The following USP34 variants were observed in gnomAD, a reference collection of about 807,000 sequenced individuals.
The protein encoded by USP34 is ubiquitin specific peptidase 34.
In USP34, 70 loss-of-function variants were observed where a neutral mutation model predicts 460.3. The observed-to-expected ratio is 0.15, with a 90% CI of 0.13 to 0.19. The LOEUF (loss-of-function observed/expected upper bound fraction) is 0.19. Ranked by LOEUF, USP34 falls within the 10% of genes least tolerant of loss-of-function variation. USP34 has a pLI of 1.00. For synonymous variants in USP34, 1,647 were observed against 1,405.3 expected, an observed-to-expected ratio of 1.17 and a Z score of -3.85; for missense variants, 3,985 against 4,236.2, an observed-to-expected ratio of 0.94 and a Z score of 1.65.
chr2:61,213,501 G>C (rs1030098309), intron 68 of USP34, among the ~76,000 whole-genome samples: 1 of 152,170 alleles, frequency 6.6e-6, no homozygotes, highest in Admixed American at 6.5e-5. Flanking sequence ...TTTACATCGA[G>C]GGGAGGAAAC....
intron 1 of USP34, among the ~76,000 whole-genome samples, chr2:61,467,901 G>T (rs189966841): frequency 6.6e-6 from 1 of 152,030 alleles, no homozygotes. Context: ...GAATACAGGC[G>T]TGAGCTGTAT....
At chr2:61,394,730 CAAAAT>C in intron 5 of USP34, 118 bp downstream of exon 5, 1 of 713,206 alleles carries the variant, frequency 1.4e-6, no homozygotes, top group Non-Finnish European at 2.0e-6. Context: ...CTCATTTTGT[CAAAAT>C]AAAAAAAAAT....
At position 61,278,290 on chromosome 2, in the gene USP34, A is replaced by C; in HGVS notation, c.5313-5T>G. On this transcript the variant is annotated splice_region_variant and splice_polypyrimidine_tract_variant and intron_variant, in intron 40 of 79. Transcript: ENST00000398571. ...TGATGATCAAGGATCTCCCTACTAC[A>C]AAAAAGAAAAAAAATACACACAAGC... 1 of 1,612,134 alleles carries C rather than the reference A, an allele frequency of 6.2e-7. No homozygotes were observed. The highest frequency in any genetic ancestry group is 8.5e-7 in the Non-Finnish European group (1 of 1,179,260).
rs146274305 is a variant in USP34 at position 61,236,517 on chromosome 2, T to C, written c.6778-128A>G. The C allele has an allele frequency of 6.4e-5, 43 of 676,918 alleles. No homozygotes were observed. In the African/African-American group the frequency reaches 7.1e-4, roughly 11 times the overall value. The allele number at this position is 676,918 out of a possible 1,614,324, so 41.9% of individuals were successfully genotyped here. ...AAAATAAAATCCATGCACTTTAAGT[T>C]CATTTTGATTTTTTCCCAAGTATAT... On this transcript the variant is annotated intron_variant, in intron 53 of 79. Coordinates refer to ENST00000398571, the MANE Select transcript of USP34 (RefSeq NM_014709.4).
intron 41 of USP34, among the ~76,000 whole-genome samples, chr2:61,274,210 C>T (rs1689304786): frequency 1.3e-5 from 2 of 151,572 alleles, no homozygotes; most frequent in East Asian, 2.0e-4. Flanking sequence ...GCCAAAATGG[C>T]GAAATCCGGT....
intron 75 of USP34, among the ~76,000 whole-genome samples, chr2:61,197,605 TTCTC>T (rs1220620136): frequency 1.3e-5 from 2 of 152,180 alleles, no homozygotes; most frequent in Non-Finnish European, 2.9e-5. Context: ...AATACTTACT[TTCTC>T]TCTTTTGAGA....
chr2:61,268,875 T>G (rs1427687022), intron 41 of USP34, among the ~76,000 whole-genome samples: 2 of 152,182 alleles, frequency 1.3e-5, no homozygotes, highest in Admixed American at 1.3e-4. Flanking sequence ...AATTTCATTT[T>G]TAAATGTTTC....
chr2:61,318,060 G>A (rs1285027611), intron 22 of USP34, among the ~76,000 whole-genome samples: 1 of 151,932 alleles, frequency 6.6e-6, no homozygotes, highest in Non-Finnish European at 1.5e-5. Context: ...GGGCATGGTG[G>A]TGTGTGGCTG....
intron 65 of USP34, 68 bp downstream of exon 65, chr2:61,222,551 G>T (rs1687617305): frequency 2.4e-6 from 3 of 1,274,606 alleles, no homozygotes; most frequent in Non-Finnish European, 3.4e-6. Flanking sequence ...GAACAATTAG[G>T]CTCATTTGAA....
chr2:61,417,128 G>T, intron 2 of USP34: 8 of 1,567,902 alleles, frequency 5.1e-6, no homozygotes, highest in South Asian at 1.1e-5. Flanking sequence ...GACATAACTT[G>T]GCCAATGTGA....
intron 10 of USP34, among the ~76,000 whole-genome samples, chr2:61,367,603 A>T (rs1019397569): frequency 6.6e-6 from 1 of 152,190 alleles, no homozygotes; most frequent in African/African-American, 2.4e-5. Flanking sequence ...AAAATATTTT[A>T]ATTTTATATA....
Position 61,445,302 on chromosome 2 carries a change from G to A in USP34, c.44-24469C>T, listed in dbSNP as rs374573246. Among the ~76,000 whole-genome samples the A allele has an allele frequency of 1.4e-4, 20 of 146,494 alleles. No individual in the cohort carries two copies. In the East Asian group the frequency reaches 2.5e-3, roughly 18 times the overall value. Reference sequence around the variant, plus strand: ...TGTAATCCCAGCACTTTGGGAGGCCGAGGCGGGCGGATCACAAGGTCAGGA... The same window carrying A: ...TGTAATCCCAGCACTTTGGGAGGCCAAGGCGGGCGGATCACAAGGTCAGGA... On this transcript the variant is annotated intron_variant, in intron 1 of 79. Transcript: ENST00000398571.
chr2:61,327,945 T>C (rs1691144374), intron 20 of USP34, among the ~76,000 whole-genome samples: 1 of 152,214 alleles, frequency 6.6e-6, no homozygotes, highest in African/African-American at 2.4e-5. Flanking sequence ...CTTTGTAGCC[T>C]CCACAGACAA....
In USP34 at chr2:61,190,272, C is replaced by A. The variant is rs956635041; in HGVS notation, c.9872G>T (p.Gly3291Val). Residue 3291 changes from glycine (G) to valine (V), a missense_variant and splice_region_variant, in exon 78 of 80, where the codon GGG becomes GTG. Gly to Val is a moderately radical substitution (Grantham distance 109). Transcript: ENST00000398571. ...EISKASASLN[G>V]DLRALALLLS... ...CCGCCGCCTCTGCATAGTTCTTACC[C>A]CATTTAAAGAAGCACTTGCTTTGGA... is the stretch of plus-strand genomic sequence containing the variant. 3 of 1,611,640 alleles carry A rather than the reference C, an allele frequency of 1.9e-6. No individual in the cohort carries two copies. Among genetic ancestry groups the A allele is most frequent in the Non-Finnish European group, 2.5e-6 (3 of 1,179,298 alleles).
chr2:61,298,212 C>T (rs952913735), intron 29 of USP34, among the ~76,000 whole-genome samples: 1 of 151,374 alleles, frequency 6.6e-6, no homozygotes, highest in Non-Finnish European at 1.5e-5. Flanking sequence ...ATCAACCTGC[C>T]AAAAATAAGA....
intron 2 of USP34, among the ~76,000 whole-genome samples, chr2:61,420,296 T>TA (rs2103971410): frequency 6.6e-6 from 1 of 152,326 alleles, no homozygotes; most frequent in South Asian, 2.1e-4. Context: ...CATGTTTTCC[T>TA]AAAATTTTAT....
chr2:61,311,274 C>T (rs1690583525), intron 27 of USP34, among the ~76,000 whole-genome samples: 1 of 152,114 alleles, frequency 6.6e-6, no homozygotes, highest in African/African-American at 2.4e-5. Context: ...TGTGAGGAGG[C>T]AGCATTCAAG....
intron 10 of USP34, among the ~76,000 whole-genome samples, chr2:61,352,933 T>C (rs1691988166): frequency 6.6e-6 from 1 of 152,190 alleles, no homozygotes; most frequent in Admixed American, 6.5e-5. Flanking sequence ...AATCCATTAC[T>C]ATACCAAGAC....
intron 4 of USP34, 59 bp downstream of exon 4, chr2:61,395,124 T>A: frequency 6.9e-7 from 1 of 1,452,188 alleles, no homozygotes; most frequent in Non-Finnish European, 9.4e-7. Flanking sequence ...AACATATGGA[T>A]GAGGCTTTGT....
Sources: gnomAD v4.1 joint callset for allele counts (sites outside exome capture counted in the v4.1 genomes callset) on GRCh38, gnomAD v4.1.1 for gene constraint, MANE v1.5 for transcripts, NCBI Gene and HGNC (gene_info 2026-07-23, HGNC 2026-07-21) for gene names.